The following DYRK1A variants were observed in gnomAD, a reference collection of about 807,000 sequenced individuals.
DYRK1A encodes the protein dual specificity tyrosine-phosphorylation-regulated kinase 1A.
In DYRK1A, 9 loss-of-function variants were observed where a neutral mutation model predicts 79.7. The observed-to-expected ratio is 0.11, with a 90% CI of 0.07 to 0.20. The LOEUF (loss-of-function observed/expected upper bound fraction) is 0.20. Among genes scored for constraint, DYRK1A ranks in the 10% least tolerant of loss-of-function variants. DYRK1A has a pLI of 1.00. For synonymous variants in DYRK1A, 349 were observed against 329.7 expected, an observed-to-expected ratio of 1.06 and a Z score of -0.63; for missense variants, 622 against 956.0, an observed-to-expected ratio of 0.65 and a Z score of 4.61.
chr21:37,417,340 G>C (rs531076989), intron 1 of DYRK1A, among the ~76,000 whole-genome samples: 5 of 151,668 alleles, frequency 3.3e-5, no homozygotes, highest in African/African-American at 1.2e-4. Context: ...ACAGGGATGC[G>C]CCACCACGCC....
intron 2 of DYRK1A, among the ~76,000 whole-genome samples, chr21:37,437,769 G>A (rs1412193356): frequency 1.3e-5 from 2 of 152,080 alleles, no homozygotes; most frequent in African/African-American, 2.4e-5. Context: ...GCACATTTGG[G>A]TTGTTTCCAG....
chr21:37,442,758 T>A (rs1473751859), intron 2 of DYRK1A, among the ~76,000 whole-genome samples: 1 of 152,026 alleles, frequency 6.6e-6, no homozygotes, highest in Non-Finnish European at 1.5e-5. Flanking sequence ...CATTTCTAGT[T>A]CAATTTGGGT....
chr21:37,457,037 C>CTTACTTAT (rs1035437095), intron 2 of DYRK1A, among the ~76,000 whole-genome samples: 1,543 of 59,110 alleles, frequency 0.026, 11 homozygotes, highest in Middle Eastern at 0.037. Flanking sequence ...TACTTACTTA[C>CTTACTTAT]TTATTTATTT....
rs996913974 is a variant in DYRK1A at position 37,525,326 on chromosome 21, C to G, written c.*12795C>G. 6.6e-6 allele frequency: 1 copy of G among 152,168 alleles called. No homozygotes were observed. The highest frequency in any genetic ancestry group is 1.5e-5 in the Non-Finnish European group (1 of 68,056). 9.4% of individuals were successfully genotyped at this position (152,168 alleles called of 1,614,324 possible). On this transcript the variant is annotated 3_prime_UTR_variant, in exon 12 of 12. Transcript: ENST00000647188. ...ATCGTTGTGGAAGGTAAAGGAGAAG[C>G]CAAGGCAAGTCTTAGGTGGCGGCAA...
At chr21:37,488,896 T>C (rs2052973403) in intron 6 of DYRK1A, 1 of 982,008 alleles carries the variant, frequency 1.0e-6, no homozygotes, top group East Asian at 1.1e-4. Flanking sequence ...GTTTTAAACC[T>C]ATAAACTGAA....
chr21:37,374,836 A>G (rs912772806), intron 1 of DYRK1A, among the ~76,000 whole-genome samples: 6 of 152,214 alleles, frequency 3.9e-5, no homozygotes, highest in Non-Finnish European at 8.8e-5. Flanking sequence ...TACAGGCTTG[A>G]GCCACTGGGC....
chr21:37,406,937 AT>A (rs34373101), intron 1 of DYRK1A, among the ~76,000 whole-genome samples: 29,246 of 138,264 alleles, frequency 0.21, 3,003 homozygotes, highest in Middle Eastern at 0.31. Context: ...AATTCTTTTG[AT>A]TTTTTTTTTT....
chr21:37,500,327 G>T (rs1354073358), intron 9 of DYRK1A, among the ~76,000 whole-genome samples: 1 of 151,944 alleles, frequency 6.6e-6, no homozygotes, highest in Non-Finnish European at 1.5e-5. Context: ...CCTACACTTG[G>T]CCTTGATATA....
rs1284234119 is a variant in DYRK1A at position 37,514,098 on chromosome 21, A to C, written c.*1567A>C. 2.0e-5 allele frequency: 3 copies of C among 152,690 alleles called. No homozygotes were observed. Among genetic ancestry groups the C allele is most frequent in the African/African-American group, 7.2e-5 (3 of 41,464 alleles). The allele number at this position is 152,690 out of a possible 1,614,324, so 9.5% of individuals were successfully genotyped here. On this transcript the variant is annotated 3_prime_UTR_variant, in exon 12 of 12. Transcript: ENST00000647188. ...CTGAAGGTAAAGGGACACTGGATCC[A>C]GAAGCTATGGAACCAGCAGTTGATT...
intron 2 of DYRK1A, among the ~76,000 whole-genome samples, chr21:37,470,645 T>C (rs1194048309): frequency 3.3e-5 from 5 of 152,212 alleles, no homozygotes; most frequent in Non-Finnish European, 5.9e-5. Flanking sequence ...TCAATTCTTT[T>C]TATTTATATT....
chr21:37,452,744 A>C (rs1601135506), intron 2 of DYRK1A, among the ~76,000 whole-genome samples: 1 of 135,426 alleles, frequency 7.4e-6, no homozygotes, highest in African/African-American at 2.8e-5. Flanking sequence ...TCATTTTCTG[A>C]TCTCACACTC....
intron 9 of DYRK1A, among the ~76,000 whole-genome samples, chr21:37,497,365 G>C (rs930870033): frequency 6.6e-6 from 1 of 152,104 alleles, no homozygotes; most frequent in Admixed American, 6.5e-5. Context: ...GCAGTTTCCA[G>C]CTGCTAAATT....
chr21:37,427,013 A>G (rs1377369949), intron 2 of DYRK1A, among the ~76,000 whole-genome samples: 2 of 152,230 alleles, frequency 1.3e-5, no homozygotes, highest in Non-Finnish European at 2.9e-5. Flanking sequence ...CAGGCAAGGA[A>G]GTTTCAACAT....
rs979996857 is a variant in DYRK1A at position 37,519,186 on chromosome 21, T to G, written c.*6655T>G. ...TATTTCCCAACAGTGGGAATGGAAT[T>G]AGTTCCTTTATATCTCAGTCTCATC... On this transcript the variant is annotated 3_prime_UTR_variant, in exon 12 of 12. Coordinates refer to ENST00000647188, the MANE Select transcript of DYRK1A (RefSeq NM_001347721.2). The G allele has an allele frequency of 1.3e-5, 2 of 152,214 alleles. No homozygotes were observed. Among genetic ancestry groups the G allele is most frequent in the African/African-American group, 4.8e-5 (2 of 41,428 alleles). 9.4% of individuals were successfully genotyped at this position (152,214 alleles called of 1,614,324 possible). A position where few individuals can be genotyped will look rare whatever the true frequency, so the allele number is the denominator to read the frequency against.
intron 2 of DYRK1A, among the ~76,000 whole-genome samples, chr21:37,449,516 A>G (rs2051377233): frequency 6.6e-6 from 1 of 152,218 alleles, no homozygotes; most frequent in Admixed American, 6.5e-5. Context: ...GTAGTGGCAC[A>G]CATCACTTCT....
rs538853236 is a variant in DYRK1A, at chr21:37,513,673, T to G, written c.*1142T>G. ...TCTTTTGCTTTTTCTCGGCACGTGGTATCTCCACCATTTCTTCTGCACAAA... is the reference window on the plus strand; with the variant it reads ...TCTTTTGCTTTTTCTCGGCACGTGGGATCTCCACCATTTCTTCTGCACAAA... On this transcript the variant is annotated 3_prime_UTR_variant, in exon 12 of 12. Coordinates refer to ENST00000647188, the MANE Select transcript of DYRK1A (RefSeq NM_001347721.2). 2 of 152,790 alleles carry G rather than the reference T, an allele frequency of 1.3e-5. No individual in the cohort carries two copies. Among genetic ancestry groups the G allele is most frequent in the South Asian group, 4.1e-4 (2 of 4,832 alleles). The allele number at this position is 152,790 out of a possible 1,614,324, so 9.5% of individuals were successfully genotyped here.
chr21:37,400,557 A>G (rs1258133405), intron 1 of DYRK1A, among the ~76,000 whole-genome samples: 1 of 152,214 alleles, frequency 6.6e-6, no homozygotes, highest in African/African-American at 2.4e-5. Flanking sequence ...TTGAGATCCA[A>G]CCTGGGAGAC....
chr21:37,372,487 G>A (rs566464003), intron 1 of DYRK1A, among the ~76,000 whole-genome samples: 1 of 151,336 alleles, frequency 6.6e-6, no homozygotes, highest in African/African-American at 2.4e-5. Flanking sequence ...ACATCTGTCT[G>A]TCTGCTTGCT....
At chr21:37,470,867 T>C (rs1036152560) in intron 2 of DYRK1A, among the ~76,000 whole-genome samples, 3 of 152,214 alleles carry the variant, frequency 2.0e-5, no homozygotes, top group Admixed American at 1.3e-4. Flanking sequence ...TTGAATTGAA[T>C]GAAAGTATTT....
Sources: gnomAD v4.1 joint callset for allele counts (sites outside exome capture counted in the v4.1 genomes callset) on GRCh38, gnomAD v4.1.1 for gene constraint, MANE v1.5 for transcripts, NCBI Gene and HGNC (gene_info 2026-07-23, HGNC 2026-07-21) for gene names.